MGA: variants seen among roughly 807,000 people sequenced by gnomAD.
MGA encodes MAX dimerization protein MGA.
In MGA, 40 loss-of-function variants were observed where a neutral mutation model predicts 261.1. The ratio of observed to expected loss-of-function variants is 0.15; its 90% CI spans 0.12 to 0.20. The LOEUF (loss-of-function observed/expected upper bound fraction) is 0.20. Ranked by LOEUF, MGA falls within the 10% of genes least tolerant of loss-of-function variation. The probability of loss-of-function intolerance (pLI) is 1.00; values close to 1 mark genes in which losing one functional copy is unlikely to be tolerated. For synonymous variants in MGA, 1,302 were observed against 1,290.6 expected (o/e 1.01, Z -0.19); for missense variants, 3,397 against 3,630.5 (o/e 0.94, Z 1.65).
chr15:41,767,408 A>G lies in MGA; in HGVS notation c.*128A>G, dbSNP rs2063854498. The G allele has an allele frequency of 1.0e-6, 1 of 986,436 alleles. No homozygotes were observed. Among genetic ancestry groups the G allele is most frequent in the Non-Finnish European group, 1.5e-6 (1 of 670,674 alleles). The allele number at this position is 986,436 out of a possible 1,614,324, so 61.1% of individuals were successfully genotyped here. ...GACTTCAATGATGCAGTGGATAATGATGGGAGAAAGGGGGTAGGGTGCTGA... is the reference window on the plus strand; with the variant it reads ...GACTTCAATGATGCAGTGGATAATGGTGGGAGAAAGGGGGTAGGGTGCTGA... On this transcript the variant is annotated 3_prime_UTR_variant, in exon 24 of 24. Transcript: ENST00000219905.
chr15:41,717,359 A>G (rs192744127), intron 9 of MGA, among the ~76,000 whole-genome samples: 5 of 152,256 alleles, frequency 3.3e-5, no homozygotes, highest in Admixed American at 3.3e-4. Flanking sequence ...TAAATTAACA[A>G]TATAAAGAAA....
intron 2 of MGA, among the ~76,000 whole-genome samples, chr15:41,684,868 C>T (rs2058868399): frequency 6.6e-6 from 1 of 152,026 alleles, no homozygotes; most frequent in South Asian, 2.1e-4. Flanking sequence ...TGGCTTGTGG[C>T]TTTTCTGTAG....
At chr15:41,724,199 T>C (rs927177863) in intron 9 of MGA, among the ~76,000 whole-genome samples, 1 of 152,218 alleles carries the variant, frequency 6.6e-6, no homozygotes, top group Non-Finnish European at 1.5e-5. Flanking sequence ...AGAAAGTTTT[T>C]ATTAAATGTG....
chr15:41,653,011 G>T (rs531189363), intron 1 of MGA, among the ~76,000 whole-genome samples: 1 of 152,038 alleles, frequency 6.6e-6, no homozygotes, highest in African/African-American at 2.4e-5. Context: ...AATTTGCACC[G>T]CATTCAAGTT....
chr15:41,692,237 CAGGACCTT>C (rs1293026992), intron 2 of MGA, among the ~76,000 whole-genome samples: 4 of 152,162 alleles, frequency 2.6e-5, no homozygotes, highest in African/African-American at 9.7e-5. Context: ...CTATCCCTGG[CAGGACCTT>C]AGGACCTAAG....
intron 1 of MGA, among the ~76,000 whole-genome samples, chr15:41,649,036 C>T (rs937016674): frequency 2.6e-5 from 4 of 152,038 alleles, no homozygotes; most frequent in African/African-American, 7.2e-5. Context: ...AAATTGAGTG[C>T]TTCTATGTGC....
chr15:41,734,844 G>A (rs1389824866), intron 12 of MGA, among the ~76,000 whole-genome samples: 2 of 151,864 alleles, frequency 1.3e-5, no homozygotes, highest in Admixed American at 1.3e-4. Context: ...GAGACATTTA[G>A]GTTGAGGTCA....
At chr15:41,637,111 C>T (rs2150587823) in intron 1 of MGA, among the ~76,000 whole-genome samples, 1 of 152,108 alleles carries the variant, frequency 6.6e-6, no homozygotes, top group East Asian at 1.9e-4. Flanking sequence ...AGGGTTAAGT[C>T]AAGGTAAATA....
intron 1 of MGA, among the ~76,000 whole-genome samples, chr15:41,633,141 G>A (rs2056626625): frequency 6.6e-6 from 1 of 151,888 alleles, no homozygotes; most frequent in Admixed American, 6.6e-5. Context: ...AGTAGAGACG[G>A]GGTTTCACTG....
chr15:41,755,974 G>A (rs2063128919), intron 18 of MGA, among the ~76,000 whole-genome samples: 1 of 151,900 alleles, frequency 6.6e-6, no homozygotes, highest in Admixed American at 6.6e-5. Flanking sequence ...AGCTGAGACT[G>A]TGCCACTGTA....
At chr15:41,707,630 C>T (rs1295529486) in intron 5 of MGA, 98 bp from the exon 6 acceptor site, 4 of 1,131,012 alleles carry the variant, frequency 3.5e-6, no homozygotes, top group African/African-American at 1.6e-5. Flanking sequence ...CTCGACCTTA[C>T]CCCCCCGCCA....
chr15:41,753,789 GTTAT>G (rs1208330429), intron 17 of MGA, among the ~76,000 whole-genome samples: 1 of 148,912 alleles, frequency 6.7e-6, no homozygotes, highest in African/African-American at 2.4e-5. Flanking sequence ...TTATTTTACT[GTTAT>G]TTAATCTTAA....
chr15:41,735,940 G>A (rs758367175), intron 12 of MGA, among the ~76,000 whole-genome samples: 1 of 152,276 alleles, frequency 6.6e-6, no homozygotes, highest in South Asian at 2.1e-4. Context: ...GGCATTTAGA[G>A]TAGTGTTAAG....
chr15:41,738,894 A>G (rs1031493300), intron 13 of MGA, among the ~76,000 whole-genome samples: 4 of 152,214 alleles, frequency 2.6e-5, no homozygotes, highest in South Asian at 2.1e-4. Context: ...AATTTAACCA[A>G]AGTAGCAAAG....
Position 41,650,019 on chromosome 15 carries a change from C to A in MGA, c.-67-18809C>A, listed in dbSNP as rs572813345. ...TGGTTAACCAGTAACCAAAGTAATT[C>A]TTTACTTCCTATGAGAATTATTCTA... is the stretch of plus-strand genomic sequence containing the variant. On this transcript the variant is annotated intron_variant, in intron 1 of 8. Coordinates refer to the MGA transcript ENST00000566718. Among the ~76,000 whole-genome samples the A allele has an allele frequency of 2.6e-5, 4 of 152,264 alleles. No individual in the cohort carries two copies. The South Asian group carries it at 6.2e-4, about 24-fold the overall frequency.
chr15:41,706,804 C>G (rs1233397321), intron 5 of MGA, among the ~76,000 whole-genome samples: 1 of 148,268 alleles, frequency 6.7e-6, no homozygotes, highest in East Asian at 1.9e-4. Context: ...GAACTCCTGA[C>G]CTCAAGTGAT....
intron 3 of MGA, 39 bp from the exon 4 acceptor site, chr15:41,698,824 C>T: frequency 7.0e-7 from 1 of 1,420,290 alleles, no homozygotes; most frequent in Non-Finnish European, 9.5e-7. Flanking sequence ...TTTTCAGAAG[C>T]AATATGAACT....
intron 1 of MGA, among the ~76,000 whole-genome samples, chr15:41,637,286 T>C (rs1333594166): frequency 6.6e-6 from 1 of 152,204 alleles, no homozygotes. Flanking sequence ...TCGTATCATA[T>C]TGCCTTTGTC....
At chr15:41,716,403 G>A (rs1000975521) in intron 9 of MGA, among the ~76,000 whole-genome samples, 6 of 151,956 alleles carry the variant, frequency 3.9e-5, no homozygotes, top group Non-Finnish European at 8.8e-5. Flanking sequence ...GCAGTGAGCC[G>A]AGATTGTGCC....
Sources: allele counts gnomAD v4.1 joint callset (sites outside exome capture counted in the v4.1 genomes callset), GRCh38; gene constraint gnomAD v4.1.1; transcripts MANE v1.5; gene names NCBI Gene and HGNC (gene_info 2026-07-23, HGNC 2026-07-21).